Variants in GRIK3 observed in about 807,000 individuals in gnomAD.
GRIK3 encodes the protein glutamate receptor ionotropic, kainate 3.
GRIK3 carries 29 observed loss-of-function variants against 102.5 expected under a neutral mutation model. The ratio of observed to expected loss-of-function variants is 0.28; its 90% confidence interval spans 0.21 to 0.39. The LOEUF (loss-of-function observed/expected upper bound fraction) is 0.39. Ranked by LOEUF, GRIK3 falls within the 10% of genes least tolerant of loss-of-function variation. GRIK3 has a pLI of 1.00. For missense variants in GRIK3, 908 were observed against 1,252.4 expected, an observed-to-expected ratio of 0.73 and a Z score of 4.15; for synonymous variants, 511 against 504.9, an observed-to-expected ratio of 1.01 and a Z score of -0.16.
chr1:36,984,031 A>G (rs1007235701), intron 1 of GRIK3, among the ~76,000 whole-genome samples: 1 of 152,216 alleles, frequency 6.6e-6, no homozygotes, highest in Non-Finnish European at 1.5e-5. Flanking sequence ...GAGGGCATTC[A>G]TAAAACAGAC....
chr1:36,939,174 G>T (rs184199254), intron 1 of GRIK3, among the ~76,000 whole-genome samples: 2 of 152,200 alleles, frequency 1.3e-5, no homozygotes, highest in African/African-American at 2.4e-5. Flanking sequence ...ACCACACAAC[G>T]CATGGAAGTG....
intron 5 of GRIK3, 45 bp from the exon 6 acceptor site, chr1:36,860,062 G>A: frequency 6.9e-7 from 1 of 1,453,782 alleles, no homozygotes; most frequent in African/African-American, 1.4e-5. Context: ...GCTCACTGCT[G>A]AGAACTCCAG....
intron 1 of GRIK3, among the ~76,000 whole-genome samples, chr1:36,908,010 G>A (rs769226096): frequency 3.3e-5 from 5 of 152,102 alleles, no homozygotes; most frequent in East Asian, 3.9e-4. Context: ...AAGACTGGGC[G>A]GTCCCTTGCT....
chr1:36,988,088 C>T (rs1244049206), intron 1 of GRIK3, among the ~76,000 whole-genome samples: 2 of 152,088 alleles, frequency 1.3e-5, no homozygotes, highest in Non-Finnish European at 2.9e-5. Context: ...GTCAGGAGTT[C>T]AAGACCAGCC....
chr1:36,953,085 C>G (rs1364816158), intron 1 of GRIK3, among the ~76,000 whole-genome samples: 1 of 152,222 alleles, frequency 6.6e-6, no homozygotes, highest in Non-Finnish European at 1.5e-5. Context: ...GTGCCCTTTA[C>G]TCATGCATTC....
At chr1:36,903,694 C>A (rs1208653451) in intron 1 of GRIK3, among the ~76,000 whole-genome samples, 1 of 152,144 alleles carries the variant, frequency 6.6e-6, no homozygotes, top group Non-Finnish European at 1.5e-5. Context: ...GTGCCTATCA[C>A]TAAGCGAATG....
chr1:36,873,156 G>A (rs187026785), intron 3 of GRIK3, among the ~76,000 whole-genome samples: 31 of 152,286 alleles, frequency 2.0e-4, no homozygotes, highest in Non-Finnish European at 3.4e-4. Context: ...CCACCAGCAC[G>A]TTGATATCTG....
chr1:36,819,824 G>T lies in GRIK3; in HGVS notation c.1785C>A (p.His595Gln), dbSNP rs1485821544. Residue 595 changes from histidine (H) to glutamine (Q), a missense_variant, in exon 12 of 16, where the codon CAC (histidine) becomes CAA (glutamine). Transcript: ENST00000373091. The surrounding 1 kb of genome is among the most constrained non-coding windows in gnomAD (Gnocchi z 4.1). ...CCACCTCGGAGCCAGGGTTGCAGGG[G>T]TGAGCATCGTACCACTCATAAGGGC... is the stretch of plus-strand genomic sequence containing the variant. ...RFSPYEWYDAHPCNPGSEVVE... is the reference protein window; with the variant it reads ...RFSPYEWYDAQPCNPGSEVVE... The T allele has an allele frequency of 1.3e-6, 2 of 1,591,346 alleles. No individual in the cohort carries two copies. The highest frequency in any genetic ancestry group is 8.6e-7 in the Non-Finnish European group (1 of 1,165,182).
intron 1 of GRIK3, among the ~76,000 whole-genome samples, chr1:36,977,798 G>A (rs982812367): frequency 3.3e-5 from 5 of 152,326 alleles, no homozygotes; most frequent in African/African-American, 9.6e-5. Flanking sequence ...AGCAGGACTC[G>A]GTTGCCAGAG....
At chr1:36,804,739 A>T in intron 15 of GRIK3, 1 of 554,490 alleles carries the variant, frequency 1.8e-6, no homozygotes. Flanking sequence ...CTGGAGGGCC[A>T]GTTTGAAGGC....
intron 3 of GRIK3, among the ~76,000 whole-genome samples, chr1:36,875,185 T>C (rs1557710339): frequency 6.6e-6 from 1 of 152,264 alleles, no homozygotes; most frequent in South Asian, 2.1e-4. Flanking sequence ...TAAGTGATTA[T>C]GGAATCATAA....
intron 9 of GRIK3, among the ~76,000 whole-genome samples, chr1:36,844,986 C>A (rs1409812422): frequency 6.6e-6 from 1 of 152,188 alleles, no homozygotes; most frequent in Non-Finnish European, 1.5e-5. Flanking sequence ...GCCACCACAG[C>A]CCCAGAATCT....
intron 1 of GRIK3, among the ~76,000 whole-genome samples, chr1:36,970,776 G>A (rs954345027): frequency 1.3e-5 from 2 of 152,196 alleles, no homozygotes; most frequent in African/African-American, 2.4e-5. Flanking sequence ...AATCAATTAT[G>A]CTTTGATTCC....
At chr1:36,821,440 C>A (rs770165010) in intron 11 of GRIK3, among the ~76,000 whole-genome samples, 17 of 152,152 alleles carry the variant, frequency 1.1e-4, no homozygotes, top group African/African-American at 4.1e-4. Flanking sequence ...TCCCAGGGGG[C>A]GAGGCAGCTC....
chr1:36,846,358 G>C (rs921206758), intron 9 of GRIK3, among the ~76,000 whole-genome samples: 1 of 152,206 alleles, frequency 6.6e-6, no homozygotes, highest in African/African-American at 2.4e-5. Flanking sequence ...AACGCTGGGG[G>C]TTTAGGAGAG....
At position 36,806,188 on chromosome 1, in the gene GRIK3, C is replaced by T. The variant is rs1170717047; in HGVS notation, c.2230G>A (p.Glu744Lys). Reference protein sequence around the residue: ...YALLMESTTIEYVTQRNCNLT... With the variant: ...YALLMESTTIKYVTQRNCNLT... ...TTGCAGTTCCTCTGCGTGACGTACT[C>T]GATGGTGGTGGACTCCATGAGCAGC... The change falls in exon 14 of 16, where the codon GAG becomes AAG. Residue 744 changes from glutamate (E) to lysine (K), a missense_variant. By Grantham distance (56) the Glu-to-Lys change is moderately conservative. Transcript: ENST00000373091. This position sits in a 1 kb window ranked among gnomAD's most constrained non-coding sequence, Gnocchi z 4.0. 3.1e-6 allele frequency: 5 copies of T among 1,614,020 alleles called. No homozygotes were observed. Among genetic ancestry groups the T allele is most frequent in the African/African-American group, 1.3e-5 (1 of 74,928 alleles).
At chr1:37,007,355 C>A (rs1279762760) in intron 1 of GRIK3, among the ~76,000 whole-genome samples, 1 of 152,172 alleles carries the variant, frequency 6.6e-6, no homozygotes, top group Non-Finnish European at 1.5e-5. Flanking sequence ...CAGGCTGGCA[C>A]CTGACTCTTT....
intron 10 of GRIK3, among the ~76,000 whole-genome samples, chr1:36,833,634 C>T (rs889635182): frequency 2.0e-5 from 3 of 152,238 alleles, no homozygotes; most frequent in African/African-American, 7.2e-5. Context: ...CACATGCAGG[C>T]CAGAACCAAG....
chr1:37,003,679 A>T (rs969916848), intron 1 of GRIK3, among the ~76,000 whole-genome samples: 2 of 151,934 alleles, frequency 1.3e-5, no homozygotes, highest in Non-Finnish European at 2.9e-5. Context: ...ACTCATCTTG[A>T]CCTCTCCTTA....
Sources: allele counts gnomAD v4.1 joint callset (sites outside exome capture counted in the v4.1 genomes callset), GRCh38; gene constraint gnomAD v4.1.1; non-coding constraint Gnocchi (gnomAD v3.1); transcripts MANE v1.5; gene names NCBI Gene and HGNC (gene_info 2026-07-23, HGNC 2026-07-21).